ZCCHC7: variants seen among roughly 807,000 people sequenced by gnomAD.
The protein encoded by ZCCHC7 is zinc finger CCHC domain-containing protein 7.
Under a neutral mutation model 52.0 loss-of-function variants are expected in ZCCHC7, and 35 were observed. The ratio of observed to expected loss-of-function variants is 0.67; its 90% CI spans 0.51 to 0.89. The LOEUF (loss-of-function observed/expected upper bound fraction) is 0.89. Ranked by LOEUF, ZCCHC7 falls within the 40% of genes least tolerant of loss-of-function variation. ZCCHC7 has a pLI of 0.00. For missense variants in ZCCHC7, 574 were observed against 649.1 expected (o/e 0.88, Z 1.26); for synonymous variants, 217 against 221.5 (o/e 0.98, Z 0.18).
intron 2 of ZCCHC7, among the ~76,000 whole-genome samples, chr9:37,177,156 G>T (rs887522175): frequency 6.6e-6 from 1 of 151,964 alleles, no homozygotes; most frequent in Non-Finnish European, 1.5e-5. Context: ...CCTGGCCAAC[G>T]CAGTGAAACC....
intron 7 of ZCCHC7, among the ~76,000 whole-genome samples, chr9:37,353,598 C>T (rs547928282): frequency 6.5e-4 from 99 of 152,080 alleles, no homozygotes; most frequent in African/African-American, 2.0e-3. Context: ...ATACTTTATT[C>T]TTGGGGGAAA....
At chr9:37,226,581 T>G (rs769410180) in intron 2 of ZCCHC7, among the ~76,000 whole-genome samples, 1 of 152,244 alleles carries the variant, frequency 6.6e-6, no homozygotes, top group African/African-American at 2.4e-5. Context: ...AACATTTCAG[T>G]TGGGAAAGGA....
chr9:37,208,588 A>C (rs80219532), intron 2 of ZCCHC7, among the ~76,000 whole-genome samples: 2 of 152,312 alleles, frequency 1.3e-5, no homozygotes, highest in Non-Finnish European at 2.9e-5. Flanking sequence ...CAGCATCTCT[A>C]GTAATCCTGA....
At chr9:37,173,975 A>G (rs539781999) in intron 2 of ZCCHC7, among the ~76,000 whole-genome samples, 16 of 152,290 alleles carry the variant, frequency 1.1e-4, no homozygotes, top group East Asian at 1.9e-4. Flanking sequence ...AGTTTCTTCA[A>G]TTGTACAATG....
chr9:37,274,704 A>G (rs917195210), intron 2 of ZCCHC7, among the ~76,000 whole-genome samples: 9 of 152,034 alleles, frequency 5.9e-5, no homozygotes, highest in Admixed American at 6.6e-5. Flanking sequence ...TATTTACTCA[A>G]TCTTTTCCTT....
intron 6 of ZCCHC7, among the ~76,000 whole-genome samples, chr9:37,329,173 A>C (rs77498213): frequency 0.051 from 7,720 of 151,808 alleles, 640 homozygotes; most frequent in African/African-American, 0.17. Flanking sequence ...TTGACATTGC[A>C]TTTATTTTAG....
At chr9:37,275,318 CTTTTT>C (rs35954918) in intron 2 of ZCCHC7, among the ~76,000 whole-genome samples, 1 of 124,030 alleles carries the variant, frequency 8.1e-6, no homozygotes. Flanking sequence ...TCTAGTTTTC[CTTTTT>C]TTTTTTTTTT....
intron 2 of ZCCHC7, among the ~76,000 whole-genome samples, chr9:37,201,708 A>G (rs1823639098): frequency 6.6e-6 from 1 of 152,330 alleles, no homozygotes; most frequent in African/African-American, 2.4e-5. Flanking sequence ...GGCAGATACC[A>G]TTGCAGAGGC....
chr9:37,130,564 C>T (rs1033711096), intron 2 of ZCCHC7, among the ~76,000 whole-genome samples: 1 of 150,106 alleles, frequency 6.7e-6, no homozygotes. Flanking sequence ...ATGATCTCGG[C>T]TCACTGCAAG....
At position 37,201,502 on chromosome 9, in the gene ZCCHC7, GTAA is replaced by G. The variant is rs769562039; in HGVS notation, c.610+74566_610+74568del. On this transcript the variant is annotated intron_variant, in intron 2 of 8. Coordinates refer to ENST00000336755, the MANE Select transcript of ZCCHC7 (RefSeq NM_032226.3). ...TATTAGAGCTTTATTGAGGAGGAAA[GTAA>G]TAATATATTTTAAAGGTTTTCTATG... is the stretch of plus-strand genomic sequence containing the variant. 3.0e-4 allele frequency among the ~76,000 whole-genome samples: 46 copies of G among 152,272 alleles called. 1 individual carries two copies. Among genetic ancestry groups the G allele is most frequent in the Non-Finnish European group, 5.6e-4 (38 of 68,014 alleles).
chr9:37,282,624 A>AAG (rs1828018224), intron 2 of ZCCHC7, among the ~76,000 whole-genome samples: 2 of 151,332 alleles, frequency 1.3e-5, no homozygotes, highest in Admixed American at 6.6e-5. Flanking sequence ...AAAAAAAAAA[A>AAG]AAGTTTAAAC....
At chr9:37,186,345 A>G (rs1453859377) in intron 2 of ZCCHC7, among the ~76,000 whole-genome samples, 1 of 152,188 alleles carries the variant, frequency 6.6e-6, no homozygotes, top group Non-Finnish European at 1.5e-5. Flanking sequence ...AACTGATTCC[A>G]AGGATGAGCA....
intron 2 of ZCCHC7, among the ~76,000 whole-genome samples, chr9:37,286,391 G>A (rs1828207721): frequency 6.6e-6 from 1 of 152,172 alleles, no homozygotes; most frequent in South Asian, 2.1e-4. Flanking sequence ...GCTGGGCATA[G>A]TGGCTTATGC....
chr9:37,150,237 T>G (rs1163669183), intron 2 of ZCCHC7, among the ~76,000 whole-genome samples: 2 of 152,216 alleles, frequency 1.3e-5, no homozygotes, highest in African/African-American at 4.8e-5. Context: ...CACAGTATTT[T>G]ACTTTCTCAT....
intron 2 of ZCCHC7, among the ~76,000 whole-genome samples, chr9:37,136,928 A>G (rs1843021794): frequency 6.6e-6 from 1 of 152,128 alleles, no homozygotes; most frequent in Admixed American, 6.5e-5. Context: ...CCTGGCCCCA[A>G]GTTGCTTTTG....
chr9:37,306,057 A>ATATT lies in ZCCHC7; in HGVS notation c.951+365_951+368dup, dbSNP rs539869053. 7.6e-4 allele frequency among the ~76,000 whole-genome samples: 115 copies of ATATT among 151,800 alleles called. No homozygotes were observed. The South Asian group carries it at 0.012, about 15-fold the overall frequency. On this transcript the variant is annotated intron_variant, in intron 5 of 8. Transcript: ENST00000336755. The stretch of plus-strand genomic sequence containing the variant: ...AATAACATGTAAAATTTGTGTATTC[A>ATATT]TATTTATTTATTTATTTATTTATTT...
chr9:37,353,405 A>G (rs1821511852), intron 7 of ZCCHC7, among the ~76,000 whole-genome samples: 1 of 152,196 alleles, frequency 6.6e-6, no homozygotes, highest in African/African-American at 2.4e-5. Flanking sequence ...AAAAACAAAT[A>G]AAAATTATGA....
chr9:37,176,074 G>GTTTGT (rs1209089039), intron 2 of ZCCHC7, among the ~76,000 whole-genome samples: 161 of 144,420 alleles, frequency 1.1e-3, no homozygotes, highest in African/African-American at 3.8e-3. Flanking sequence ...TTGTTTGTTT[G>GTTTGT]TTTGTTTTGT....
intron 5 of ZCCHC7, among the ~76,000 whole-genome samples, chr9:37,326,549 G>A (rs80029315): frequency 0.051 from 7,719 of 151,432 alleles, 643 homozygotes; most frequent in African/African-American, 0.17. Context: ...GTTAAAATGC[G>A]TAAAGGATAA....
Sources: gnomAD v4.1 joint callset for allele counts (sites outside exome capture counted in the v4.1 genomes callset) on GRCh38, gnomAD v4.1.1 for gene constraint, MANE v1.5 for transcripts, NCBI Gene and HGNC (gene_info 2026-07-23, HGNC 2026-07-21) for gene names.